UBE3A: variants seen among roughly 807,000 people sequenced by gnomAD.
UBE3A encodes ubiquitin-protein ligase E3A.
Under a neutral mutation model 83.4 loss-of-function variants are expected in UBE3A, and 6 were observed. The ratio of observed to expected loss-of-function variants is 0.07; its 90% CI spans 0.04 to 0.14. The LOEUF (loss-of-function observed/expected upper bound fraction) is 0.14. UBE3A is among the 10% of genes least tolerant of loss of function. The probability of loss-of-function intolerance (pLI) is 1.00; values close to 1 mark genes in which losing one functional copy is unlikely to be tolerated. For synonymous variants in UBE3A, 337 were observed against 355.4 expected (o/e 0.95, Z 0.58); for missense variants, 456 against 1,036.1 (o/e 0.44, Z 7.69).
At chr15:25,375,352 C>T (rs898281050) in intron 5 of UBE3A, 113 bp downstream of exon 5, 22 of 1,316,344 alleles carry the variant, frequency 1.7e-5, no homozygotes, top group Admixed American at 7.1e-5. Context: ...ATTGGTTCTA[C>T]GATATCAAAA....
intron 6 of UBE3A, among the ~76,000 whole-genome samples, chr15:25,361,377 G>A (rs2078076910): frequency 1.3e-5 from 2 of 152,098 alleles, no homozygotes; most frequent in East Asian, 3.9e-4. Flanking sequence ...GCCCACCTCA[G>A]CCTCTCAAAG....
In UBE3A at chr15:25,339,081, A is replaced by C; in HGVS notation, c.*56T>G. The C allele has an allele frequency of 6.8e-7, 1 of 1,475,050 alleles. No homozygotes were observed. Among genetic ancestry groups the C allele is most frequent in the Non-Finnish European group, 8.9e-7 (1 of 1,118,120 alleles). The allele number at this position is 1,475,050 out of a possible 1,614,324, so 91.4% of individuals were successfully genotyped here. On this transcript the variant is annotated 3_prime_UTR_variant, in exon 13 of 13. Coordinates refer to ENST00000648336, the MANE Select transcript of UBE3A (RefSeq NM_130839.5). ...CCTCGTTATATTTTTAAAATTTTTT[A>C]AATTTTTTCTTTTTTTTTCCTTCCT...
intron 4 of UBE3A, among the ~76,000 whole-genome samples, chr15:25,397,702 G>A (rs1452384589): frequency 6.6e-6 from 1 of 152,054 alleles, no homozygotes; most frequent in Non-Finnish European, 1.5e-5. Flanking sequence ...AAAACAGCTT[G>A]TAATTTGAAA....
chr15:25,365,377 C>A (rs2078915392), intron 6 of UBE3A, among the ~76,000 whole-genome samples: 2 of 152,086 alleles, frequency 1.3e-5, no homozygotes, highest in South Asian at 4.1e-4. Context: ...TTCCTTAATA[C>A]CATGAATATT....
chr15:25,419,285 T>C (rs1402695098), intron 1 of UBE3A: 2 of 152,048 alleles, frequency 1.3e-5, no homozygotes, highest in Non-Finnish European at 2.9e-5. Context: ...CAACTTACTT[T>C]GAAAAGCATA....
chr15:25,335,514 C>T lies in UBE3A; in HGVS notation c.*3623G>A, dbSNP rs1411343540. The T allele has an allele frequency of 6.6e-6, 1 of 152,018 alleles. No individual in the cohort carries two copies. The highest frequency in any genetic ancestry group is 2.4e-5 in the African/African-American group (1 of 41,372). 9.4% of individuals were successfully genotyped at this position (152,018 alleles called of 1,614,324 possible). A position where few individuals can be genotyped will look rare whatever the true frequency, so the allele number is the denominator to read the frequency against. On this transcript the variant is annotated 3_prime_UTR_variant, in exon 13 of 13. Coordinates refer to ENST00000648336, the MANE Select transcript of UBE3A (RefSeq NM_130839.5). Reference sequence around the variant, plus strand: ...TCCGGGTGAGTCAGAGGATCAGGACCTGTAAGGGCAGTATAAAGAAGGAAG... The same window carrying T: ...TCCGGGTGAGTCAGAGGATCAGGACTTGTAAGGGCAGTATAAAGAAGGAAG...
At chr15:25,379,040 T>C (rs774494523) in intron 4 of UBE3A, among the ~76,000 whole-genome samples, 1 of 152,198 alleles carries the variant, frequency 6.6e-6, no homozygotes, top group East Asian at 1.9e-4. Context: ...TACCTCTTAA[T>C]TAACTATGTG....
At chr15:25,428,877 T>C (rs550950868) in intron 1 of UBE3A, among the ~76,000 whole-genome samples, 1 of 152,298 alleles carries the variant, frequency 6.6e-6, no homozygotes, top group East Asian at 1.9e-4. Flanking sequence ...TCTACGGTTT[T>C]TCCCAAAACA....
chr15:25,367,175 ATTTGT>A, intron 6 of UBE3A, among the ~76,000 whole-genome samples: 1 of 100,810 alleles, frequency 9.9e-6, no homozygotes, highest in African/African-American at 5.5e-5. Context: ...ATATTTACAT[ATTTGT>A]AAATATGTAA....
chr15:25,360,276 CCTT>C, intron 7 of UBE3A, 104 bp downstream of exon 7: 1 of 1,485,758 alleles, frequency 6.7e-7, no homozygotes, highest in Non-Finnish European at 9.2e-7. Flanking sequence ...CATACCAAAT[CCTT>C]CTTTTGCTGC....
Position 25,337,432 on chromosome 15 carries a change from T to C in UBE3A, c.*1705A>G, listed in dbSNP as rs2074032882. The C allele has an allele frequency of 6.6e-6, 1 of 152,116 alleles. No homozygotes were observed. The highest frequency in any genetic ancestry group is 1.5e-5 in the Non-Finnish European group (1 of 68,004). 9.4% of individuals were successfully genotyped at this position (152,116 alleles called of 1,614,324 possible). On this transcript the variant is annotated 3_prime_UTR_variant, in exon 13 of 13. Transcript: ENST00000648336. ...TAAAGGCTGGCCCAGAAAAACCCCA[T>C]GTTACCTTATCACAATATGGAAAGC...
intron 1 of UBE3A, among the ~76,000 whole-genome samples, chr15:25,433,438 G>A (rs982820880): frequency 7.2e-5 from 11 of 152,000 alleles, no homozygotes; most frequent in African/African-American, 2.7e-4. Flanking sequence ...CGCCCGCCTC[G>A]GCTTCCCAAA....
chr15:25,386,393 T>G (rs1030194982), intron 4 of UBE3A, among the ~76,000 whole-genome samples: 3 of 152,320 alleles, frequency 2.0e-5, no homozygotes, highest in Admixed American at 2.0e-4. Context: ...GATTTGGAAT[T>G]ATCAAACTTG....
chr15:25,431,586 G>A (rs1195697339), intron 1 of UBE3A, among the ~76,000 whole-genome samples: 4 of 151,990 alleles, frequency 2.6e-5, no homozygotes, highest in Non-Finnish European at 4.4e-5. Context: ...CAGGTGATCC[G>A]TGTGCCTCGG....
intron 6 of UBE3A, among the ~76,000 whole-genome samples, chr15:25,367,956 C>T (rs947980550): frequency 7.9e-5 from 12 of 152,036 alleles, no homozygotes; most frequent in Admixed American, 7.2e-4. Flanking sequence ...GAGTGGATAA[C>T]TCTAAGGTTT....
chr15:25,362,430 A>T (rs1566920543), intron 6 of UBE3A, among the ~76,000 whole-genome samples: 1 of 152,336 alleles, frequency 6.6e-6, no homozygotes, highest in East Asian at 1.9e-4. Context: ...TTTAACCTTT[A>T]AACTTTAGCA....
In UBE3A at chr15:25,405,496, T is replaced by C; in HGVS notation, c.27A>G (p.Gly9=). Reference sequence around the variant, plus strand: ...CTTCAATGTCGTCAGACTGAGGTTCTCCTGATCTGTAAAATGCAATTGAGA... The same window carrying C: ...CTTCAATGTCGTCAGACTGAGGTTCCCCTGATCTGTAAAATGCAATTGAGA... MATACKRS[G]EPQSDDIEAS... The change falls in exon 4 of 13, where the codon GGA becomes GGG. Residue 9 remains glycine, a synonymous_variant. Transcript: ENST00000648336. 1.2e-6 allele frequency: 2 copies of C among 1,613,846 alleles called. No homozygotes were observed. Among genetic ancestry groups the C allele is most frequent in the East Asian group, 2.2e-5 (1 of 44,842 alleles).
chr15:25,364,202 C>T (rs1349536464), intron 6 of UBE3A, among the ~76,000 whole-genome samples: 1 of 151,858 alleles, frequency 6.6e-6, no homozygotes, highest in Non-Finnish European at 1.5e-5. Flanking sequence ...AGTTAAGACC[C>T]TGTCTCAAAA....
At chr15:25,392,291 T>C (rs949191319) in intron 4 of UBE3A, among the ~76,000 whole-genome samples, 1 of 152,166 alleles carries the variant, frequency 6.6e-6, no homozygotes, top group African/African-American at 2.4e-5. Flanking sequence ...TATAGACCTT[T>C]TGGAAATTAT....
Sources: allele counts gnomAD v4.1 joint callset (sites outside exome capture counted in the v4.1 genomes callset), GRCh38; gene constraint gnomAD v4.1.1; transcripts MANE v1.5; gene names NCBI Gene and HGNC (gene_info 2026-07-23, HGNC 2026-07-21).